Variants in DNAH8 observed in about 807,000 individuals in gnomAD.
The protein encoded by DNAH8 is axonemal beta dynein heavy chain 8.
DNAH8 carries 382 observed loss-of-function variants against 562.1 expected under a neutral mutation model. The ratio of observed to expected loss-of-function variants is 0.68; its 90% CI spans 0.63 to 0.74. The LOEUF is 0.74. Among genes scored for constraint, DNAH8 ranks in the 30% least tolerant of loss-of-function variants. DNAH8 has a pLI of 0.00. For missense variants in DNAH8, 5,203 were observed against 5,620.4 expected, an observed-to-expected ratio of 0.93 and a Z score of 2.37; for synonymous variants, 1,881 against 1,919.4, an observed-to-expected ratio of 0.98 and a Z score of 0.52.
intron 79 of DNAH8, among the ~76,000 whole-genome samples, chr6:38,942,710 T>C (rs1783558979): frequency 6.6e-6 from 1 of 152,152 alleles, no homozygotes; most frequent in Admixed American, 6.5e-5. Flanking sequence ...CAGATAGCAT[T>C]TGTCGTAGCT....
chr6:38,814,240 C>T (rs970206956), intron 25 of DNAH8, 111 bp downstream of exon 25: 9 of 682,300 alleles, frequency 1.3e-5, no homozygotes, highest in Non-Finnish European at 2.3e-5. Flanking sequence ...TTTCACTTTC[C>T]CTCACTATTT....
At chr6:38,912,350 A>G (rs1480075494) in intron 66 of DNAH8, among the ~76,000 whole-genome samples, 3 of 152,068 alleles carry the variant, frequency 2.0e-5, no homozygotes, top group Non-Finnish European at 4.4e-5. Flanking sequence ...CTGTAGACCA[A>G]GCTACTTGGG....
Position 38,722,379 on chromosome 6 carries a change from C to T in DNAH8, c.-34-397C>T, listed in dbSNP as rs561203622. On this transcript the variant is annotated intron_variant, in intron 1 of 92. Coordinates refer to ENST00000327475, the MANE Select transcript of DNAH8 (RefSeq NM_001206927.2). ...GCTTGGTCTCTTGCACAGTGAGTACCTCGGCAGTGATCTACAGTCTGTCCT... is the reference window on the plus strand; with the variant it reads ...GCTTGGTCTCTTGCACAGTGAGTACTTCGGCAGTGATCTACAGTCTGTCCT... Among the ~76,000 whole-genome samples, 4 of 152,172 alleles carry T rather than the reference C, an allele frequency of 2.6e-5. No homozygotes were observed. The East Asian group carries it at 7.7e-4, about 29-fold the overall frequency.
rs77469102 is a variant in DNAH8 at position 39,015,631 on chromosome 6, C to T, written c.13714+2994C>T. ...GTTTCTTGAGGCATCCCCAGCCATGCAGAACTGAGTCCATTTAAACCTCAT... is the reference window on the plus strand; with the variant it reads ...GTTTCTTGAGGCATCCCCAGCCATGTAGAACTGAGTCCATTTAAACCTCAT... On this transcript the variant is annotated intron_variant, in intron 91 of 92. Transcript: ENST00000327475. Among the ~76,000 whole-genome samples, 1,694 of 152,324 alleles carry T rather than the reference C, an allele frequency of 0.011. 110 individuals are homozygous for T. In the East Asian group the frequency reaches 0.16, roughly 14 times the overall value.
intron 62 of DNAH8, among the ~76,000 whole-genome samples, chr6:38,902,765 G>T (rs372986735): frequency 3.7e-4 from 57 of 152,308 alleles, no homozygotes; most frequent in African/African-American, 1.3e-3. Context: ...ACAGTTTAAA[G>T]TATGCAGGAT....
At chr6:38,910,119 A>G (rs1780775902) in intron 65 of DNAH8, among the ~76,000 whole-genome samples, 1 of 152,226 alleles carries the variant, frequency 6.6e-6, no homozygotes, top group Admixed American at 6.5e-5. Context: ...CACTGCTTCT[A>G]ATGTTTCTTT....
intron 26 of DNAH8, among the ~76,000 whole-genome samples, chr6:38,820,212 C>T (rs1772699204): frequency 1.3e-5 from 2 of 152,098 alleles, no homozygotes; most frequent in Non-Finnish European, 2.9e-5. Context: ...TGAGGACCGT[C>T]TTTTAGTGAT....
intron 53 of DNAH8, among the ~76,000 whole-genome samples, chr6:38,880,952 C>T (rs1315229256): frequency 1.3e-5 from 2 of 152,064 alleles, no homozygotes; most frequent in Non-Finnish European, 2.9e-5. Flanking sequence ...TGCTTGAACC[C>T]GGAGATGGAG....
intron 3 of DNAH8, among the ~76,000 whole-genome samples, chr6:38,727,694 T>G (rs969510850): frequency 3.3e-5 from 5 of 152,242 alleles, no homozygotes; most frequent in Admixed American, 2.6e-4. Flanking sequence ...TATAAAGTTT[T>G]TTCAAACACC....
rs776814257 is a variant in DNAH8, at chr6:38,911,489, G to A, written c.9762G>A (p.Val3254=). The change falls in exon 66 of 93, where the codon GTG becomes GTA. Residue 3254 remains valine, a synonymous_variant. Transcript: ENST00000327475. ...TCAGATACCGCCGAAGAGCACATGT[G>A]ACTCCCAAATCTTACCTCTCATTTA... ...YFQRYRRRAH[V]TPKSYLSFIN... is the part of the protein sequence containing the mutation. 1 of 1,613,342 alleles carries A rather than the reference G, an allele frequency of 6.2e-7. No individual in the cohort carries two copies. The highest frequency in any genetic ancestry group is 1.1e-5 in the South Asian group (1 of 91,038).
In DNAH8 at chr6:38,741,807, T is replaced by C. The variant is rs1257078364; in HGVS notation, c.1213T>C (p.Tyr405His). ...GAAACGCATGTCAGCCAAGTTCAACTATATCATTGAGCAGATTAAAGGGCC... is the reference window on the plus strand; with the variant it reads ...GAAACGCATGTCAGCCAAGTTCAACCATATCATTGAGCAGATTAAAGGGCC... ...HWKRMSAKFNYIIEQIKGPSC... is the reference protein window; with the variant it reads ...HWKRMSAKFNHIIEQIKGPSC... Residue 405 changes from tyrosine (Y) to histidine (H), a missense_variant, in exon 8 of 93, where the codon TAT becomes CAT. Physicochemically the swap from Tyr to His is moderately conservative, Grantham distance 83 (BLOSUM62 2). Transcript: ENST00000327475. The C allele has an allele frequency of 2.4e-5, 39 of 1,614,024 alleles. No individual in the cohort carries two copies. Among genetic ancestry groups the C allele is most frequent in the Non-Finnish European group, 3.2e-5 (38 of 1,180,002 alleles).
At chr6:38,766,139 A>ATGTG (rs145206381) in intron 11 of DNAH8, among the ~76,000 whole-genome samples, 14 of 151,002 alleles carry the variant, frequency 9.3e-5, no homozygotes, top group African/African-American at 2.9e-4. Context: ...ATGTGTTTGT[A>ATGTG]TGTGTGTGTG....
chr6:38,916,868 G>T (rs113081530), intron 68 of DNAH8, among the ~76,000 whole-genome samples: 37 of 152,266 alleles, frequency 2.4e-4, no homozygotes, highest in African/African-American at 8.4e-4. Flanking sequence ...AAGGCTAAAG[G>T]TGAGGTTTCT....
chr6:38,991,854 C>T (rs1446109381), intron 88 of DNAH8, among the ~76,000 whole-genome samples: 1 of 152,204 alleles, frequency 6.6e-6, no homozygotes, highest in African/African-American at 2.4e-5. Flanking sequence ...TTCAATGATG[C>T]CTTCCCTGGC....
intron 14 of DNAH8, among the ~76,000 whole-genome samples, chr6:38,779,538 G>A (rs1409027951): frequency 6.6e-6 from 1 of 152,086 alleles, no homozygotes; most frequent in East Asian, 1.9e-4. Context: ...TTGTGATTAT[G>A]GTTAAATGGT....
intron 68 of DNAH8, 49 bp from the exon 69 acceptor site, chr6:38,917,190 A>G (rs1265603052): frequency 3.0e-6 from 4 of 1,355,424 alleles, no homozygotes; most frequent in Non-Finnish European, 3.1e-6. Flanking sequence ...CCATATAACT[A>G]TTAATACCAC....
chr6:38,734,335 CA>C lies in DNAH8; in HGVS notation c.611-132del, dbSNP rs1554195353. On this transcript the variant is annotated intron_variant, in intron 4 of 92. Transcript: ENST00000327475. ...TGGCATCTTCTAGTAGACCCCCCCC[CA>C]AAAAAATTATTCTATGACCGTATTG... The C allele has an allele frequency of 8.2e-5, 46 of 558,758 alleles. 3 individuals are homozygous for C. Among genetic ancestry groups the C allele is most frequent in the Admixed American group, 9.5e-5 (2 of 20,976 alleles). 34.6% of individuals were successfully genotyped at this position (558,758 alleles called of 1,614,324 possible). A position where few individuals can be genotyped will look rare whatever the true frequency, so the allele number is the denominator to read the frequency against.
At position 38,898,364 on chromosome 6, in the gene DNAH8, T is replaced by C; in HGVS notation, c.9047T>C (p.Met3016Thr). The C allele has an allele frequency of 6.3e-7, 1 of 1,577,076 alleles. No individual in the cohort carries two copies. The highest frequency in any genetic ancestry group is 1.2e-5 in the South Asian group (1 of 82,166). Residue 3016 changes from methionine to threonine, a missense_variant, in exon 61 of 93, where the codon ATG becomes ACG. Around this residue, in one of 6 missense-constraint regions of DNAH8, gnomAD observed 977 missense variants for 1,061.8 expected, o/e 0.92. Transcript: ENST00000327475. ...SLDLVFFKDAMTHLIKISRII... is the reference protein window; with the variant it reads ...SLDLVFFKDATTHLIKISRII... ...GATCTGGTGTTTTTTAAAGATGCAA[T>C]GACTCATCTTATTAAGGTCCTAACT...
intron 91 of DNAH8, among the ~76,000 whole-genome samples, chr6:39,025,152 ATG>A (rs145185225): frequency 1.3e-5 from 2 of 151,912 alleles, no homozygotes; most frequent in Non-Finnish European, 1.5e-5. Context: ...TCAGCCATCC[ATG>A]TGTGTGTGTG....
Sources: allele counts gnomAD v4.1 joint callset (sites outside exome capture counted in the v4.1 genomes callset), GRCh38; gene constraint gnomAD v4.1.1; regional missense constraint gnomAD v4.1.1; transcripts MANE v1.5; gene names NCBI Gene and HGNC (gene_info 2026-07-23, HGNC 2026-07-21).